The following DAB2IP variants were observed in gnomAD, a reference collection of about 807,000 sequenced individuals.
The protein encoded by DAB2IP is disabled homolog 2-interacting protein.
In DAB2IP, 28 loss-of-function variants were observed where a neutral mutation model predicts 107.2. That is an observed-to-expected ratio of 0.26 (90% CI 0.19 to 0.36). The LOEUF (loss-of-function observed/expected upper bound fraction) is 0.36. DAB2IP is among the 10% of genes least tolerant of loss of function. The pLI is 1.00. For synonymous variants in DAB2IP, 755 were observed against 706.4 expected (o/e 1.07, Z -1.09); for missense variants, 1,400 against 1,644.7 (o/e 0.85, Z 2.57).
At chr9:121,773,616 T>G in intron 12 of DAB2IP, 121 bp downstream of exon 12, 1 of 1,229,736 alleles carries the variant, frequency 8.1e-7, no homozygotes, top group Non-Finnish European at 1.0e-6. Context: ...TGCCATCCCA[T>G]CCCACCAGCC....
intron 1 of DAB2IP, among the ~76,000 whole-genome samples, chr9:121,620,228 C>T (rs1831414471): frequency 1.3e-5 from 2 of 152,336 alleles, no homozygotes; most frequent in East Asian, 3.9e-4. Flanking sequence ...GTTGCTGGAG[C>T]CCTGGCCAGG....
chr9:121,642,452 A>G (rs1832386847), intron 1 of DAB2IP, among the ~76,000 whole-genome samples: 1 of 149,764 alleles, frequency 6.7e-6, no homozygotes, highest in African/African-American at 2.5e-5. Context: ...AAGTGCTGCA[A>G]TTACAGGCGT....
At chr9:121,750,707 T>C (rs1833056338) in intron 3 of DAB2IP, among the ~76,000 whole-genome samples, 1 of 152,240 alleles carries the variant, frequency 6.6e-6, no homozygotes, top group Non-Finnish European at 1.5e-5. Flanking sequence ...CAAGTAGGGA[T>C]TTTTAATTAC....
At chr9:121,578,476 G>C (rs906223270) in intron 1 of DAB2IP, among the ~76,000 whole-genome samples, 10 of 151,766 alleles carry the variant, frequency 6.6e-5, no homozygotes, top group Admixed American at 4.6e-4. Context: ...AGTGAGGCTC[G>C]AGCCCCCGAC....
In DAB2IP at chr9:121,760,457, G is replaced by A. The variant is rs759364183; in HGVS notation, c.1170+18G>A. On this transcript the variant is annotated intron_variant, in intron 6 of 15. Coordinates refer to ENST00000408936, the Ensembl canonical transcript of DAB2IP. This position sits in a 1 kb window ranked among gnomAD's most constrained non-coding sequence, Gnocchi z 5.9. ...AGGTGAAGGTGCGTGCAGGCCCCTC[G>A]GCTCCTGACACAGGCTGGGCGGCAG... is the stretch of plus-strand genomic sequence containing the variant. The A allele has an allele frequency of 4.5e-6, 7 of 1,566,938 alleles. No individual in the cohort carries two copies. Among genetic ancestry groups the A allele is most frequent in the African/African-American group, 1.3e-5 (1 of 74,254 alleles).
At chr9:121,646,498 A>G (rs979554923) in intron 1 of DAB2IP, among the ~76,000 whole-genome samples, 2 of 14,920 alleles carry the variant, frequency 1.3e-4, no homozygotes, top group Non-Finnish European at 3.0e-4. Flanking sequence ...CACCCCCCCC[A>G]CCCCGACCCT....
intron 1 of DAB2IP, among the ~76,000 whole-genome samples, chr9:121,625,292 TG>T (rs1483081794): frequency 7.0e-6 from 1 of 142,514 alleles, no homozygotes; most frequent in African/African-American, 2.6e-5. Context: ...CAGGCTGGAG[TG>T]CAGTGGTGTG....
chr9:121,653,836 T>C (rs1832864508), intron 1 of DAB2IP, among the ~76,000 whole-genome samples: 1 of 152,172 alleles, frequency 6.6e-6, no homozygotes, highest in South Asian at 2.1e-4. Context: ...ACAGGATCAC[T>C]GCTTGTGTCC....
chr9:121,764,975 T>C (rs545176671), intron 8 of DAB2IP, among the ~76,000 whole-genome samples: 1 of 152,304 alleles, frequency 6.6e-6, no homozygotes, highest in South Asian at 2.1e-4. Context: ...AAGTGTTTGC[T>C]GCTCCCCAAG....
intron 1 of DAB2IP, among the ~76,000 whole-genome samples, chr9:121,584,608 T>C (rs768007306): frequency 3.9e-5 from 6 of 152,006 alleles, no homozygotes; most frequent in Non-Finnish European, 7.3e-5. Flanking sequence ...CAGCCCTCTG[T>C]TGAAAGTATA....
At position 121,766,812 on chromosome 9, in the gene DAB2IP, A is replaced by G. The variant is rs890081021; in HGVS notation, c.1697+82A>G. The stretch of plus-strand genomic sequence containing the variant: ...GGCCCTGGGGGTGTTTCTGCCCCCA[A>G]GCTGAGCAGAGACCATAAACAGGCC... On this transcript the variant is annotated intron_variant, in intron 9 of 15. Coordinates refer to ENST00000408936, the Ensembl canonical transcript of DAB2IP. 7 of 1,370,252 alleles carry G rather than the reference A, an allele frequency of 5.1e-6. 1 individual carries two copies. In the Middle Eastern group the frequency reaches 5.7e-4, roughly 112 times the overall value. The allele number at this position is 1,370,252 out of a possible 1,614,324, so 84.9% of individuals were successfully genotyped here.
chr9:121,739,029 C>G (rs1032004086), intron 3 of DAB2IP, among the ~76,000 whole-genome samples: 5 of 152,258 alleles, frequency 3.3e-5, no homozygotes, highest in African/African-American at 1.2e-4. Flanking sequence ...CCTGTGTTCC[C>G]AGTGCCTAAA....
intron 1 of DAB2IP, among the ~76,000 whole-genome samples, chr9:121,571,109 C>T (rs12379729): frequency 0.023 from 3,484 of 152,180 alleles, 44 homozygotes; most frequent in East Asian, 0.041. Flanking sequence ...GAGCTAATTC[C>T]TCCTCCTCTT....
At chr9:121,728,830 G>A (rs892912927) in intron 3 of DAB2IP, among the ~76,000 whole-genome samples, 2 of 151,882 alleles carry the variant, frequency 1.3e-5, no homozygotes, top group Non-Finnish European at 2.9e-5. Flanking sequence ...GGGGGGGACA[G>A]CCAGGGGAAG....
At chr9:121,717,974 C>T (rs1444028029) in intron 3 of DAB2IP, among the ~76,000 whole-genome samples, 1 of 152,200 alleles carries the variant, frequency 6.6e-6, no homozygotes, top group Non-Finnish European at 1.5e-5. Context: ...GTGACCATGC[C>T]TTCTGTCTCG....
intron 3 of DAB2IP, among the ~76,000 whole-genome samples, chr9:121,753,851 T>TATCC (rs1032998024): frequency 3.9e-5 from 6 of 152,192 alleles, no homozygotes; most frequent in African/African-American, 1.4e-4. Context: ...AAGCTGAGCC[T>TATCC]ATCCCTGCCC....
intron 1 of DAB2IP, among the ~76,000 whole-genome samples, chr9:121,610,800 T>G (rs1831066746): frequency 6.6e-6 from 1 of 152,036 alleles, no homozygotes. Flanking sequence ...GAAGGGCGTA[T>G]TTGAAGATGG....
intron 1 of DAB2IP, among the ~76,000 whole-genome samples, chr9:121,672,079 G>A (rs779376647): frequency 6.6e-6 from 1 of 152,168 alleles, no homozygotes; most frequent in African/African-American, 2.4e-5. Context: ...ATTTGGAGTC[G>A]CAGTTCTTTT....
intron 1 of DAB2IP, among the ~76,000 whole-genome samples, chr9:121,670,306 A>G (rs1296033018): frequency 2.0e-5 from 3 of 152,176 alleles, no homozygotes; most frequent in South Asian, 4.1e-4. Flanking sequence ...TTTGTTTTCT[A>G]TGACTGCTGT....
Sources: allele counts gnomAD v4.1 joint callset (sites outside exome capture counted in the v4.1 genomes callset), GRCh38; gene constraint gnomAD v4.1.1; non-coding constraint Gnocchi (gnomAD v3.1); transcripts MANE v1.5; gene names NCBI Gene and HGNC (gene_info 2026-07-23, HGNC 2026-07-21).